Variants in COL11A1 observed in about 807,000 individuals in gnomAD.
COL11A1 encodes the protein collagen type XI alpha 1 chain.
In COL11A1, 74 loss-of-function variants were observed where a neutral mutation model predicts 265.2. That is an observed-to-expected ratio of 0.28 (90% CI 0.23 to 0.34). COL11A1 has a LOEUF of 0.34. COL11A1 is among the 10% of genes least tolerant of loss of function. The probability of loss-of-function intolerance (pLI) is 1.00; values close to 1 mark genes in which losing one functional copy is unlikely to be tolerated. For synonymous variants in COL11A1, 816 were observed against 727.6 expected, an observed-to-expected ratio of 1.12 and a Z score of -1.96; for missense variants, 2,165 against 2,263.6, an observed-to-expected ratio of 0.96 and a Z score of 0.88.
chr1:102,948,861 A>G (rs1014239214), intron 41 of COL11A1, among the ~76,000 whole-genome samples: 1 of 152,060 alleles, frequency 6.6e-6, no homozygotes, highest in Non-Finnish European at 1.5e-5. Context: ...TCAATGCAGT[A>G]GAAAAAATAA....
In COL11A1 at chr1:103,039,116, T is replaced by C. The variant is rs551034469; in HGVS notation, c.652-7872A>G. 2.6e-5 allele frequency among the ~76,000 whole-genome samples: 4 copies of C among 152,308 alleles called. No individual in the cohort carries two copies. In the South Asian group the frequency reaches 8.3e-4, roughly 32 times the overall value. On this transcript the variant is annotated intron_variant, in intron 4 of 66. Coordinates refer to ENST00000370096, the MANE Select transcript of COL11A1 (RefSeq NM_001854.4). Reference sequence around the variant, plus strand: ...ACAGTCATTTCTGGAGTAAGGTCAGTTTATCACTTAAGACAGTGACTTTTA... The same window carrying C: ...ACAGTCATTTCTGGAGTAAGGTCAGCTTATCACTTAAGACAGTGACTTTTA...
chr1:102,944,742 T>C (rs956372683), intron 42 of COL11A1, among the ~76,000 whole-genome samples: 1 of 152,198 alleles, frequency 6.6e-6, no homozygotes, highest in Admixed American at 6.5e-5. Context: ...TTCAATATAT[T>C]ATCTTCACAG....
At chr1:102,898,467 T>C (rs1652729988) in intron 56 of COL11A1, among the ~76,000 whole-genome samples, 199 bp downstream of exon 56, 1 of 151,986 alleles carries the variant, frequency 6.6e-6, no homozygotes, top group African/African-American at 2.4e-5. Flanking sequence ...TAAGTTAGTG[T>C]TTCACCATGA....
chr1:102,895,518 A>G (rs1441302927), intron 57 of COL11A1, among the ~76,000 whole-genome samples: 1 of 152,142 alleles, frequency 6.6e-6, no homozygotes, highest in African/African-American at 2.4e-5. Context: ...ATGATAAGCA[A>G]ATTGAAGCCT....
chr1:102,911,915 T>C (rs1654730389), intron 54 of COL11A1, among the ~76,000 whole-genome samples: 2 of 152,368 alleles, frequency 1.3e-5, no homozygotes, highest in South Asian at 2.1e-4. Flanking sequence ...AGGGGAGTTC[T>C]AAGCACAGAG....
chr1:102,994,444 G>A (rs1664432640), intron 28 of COL11A1, among the ~76,000 whole-genome samples: 1 of 152,014 alleles, frequency 6.6e-6, no homozygotes, highest in Non-Finnish European at 1.5e-5. Flanking sequence ...CCTGCTCCCA[G>A]CACATAGGAT....
At chr1:103,017,930 T>G in intron 10 of COL11A1, 48 bp from the exon 11 acceptor site, 4 of 1,394,506 alleles carry the variant, frequency 2.9e-6, no homozygotes, top group Non-Finnish European at 4.1e-6. Context: ...ATCTCATTAA[T>G]ATTTAGATGA....
At chr1:102,900,631 C>A (rs985748685) in intron 54 of COL11A1, among the ~76,000 whole-genome samples, 1 of 151,968 alleles carries the variant, frequency 6.6e-6, no homozygotes, top group Non-Finnish European at 1.5e-5. Flanking sequence ...AAAAAGCAAG[C>A]CATCTATTGT....
chr1:102,983,580 A>T (rs890149975), intron 31 of COL11A1, among the ~76,000 whole-genome samples: 2 of 152,092 alleles, frequency 1.3e-5, no homozygotes, highest in African/African-American at 4.8e-5. Context: ...AGGCAAGGAC[A>T]GATTCTTTAC....
chr1:102,904,174 C>A (rs1021984393), intron 54 of COL11A1, among the ~76,000 whole-genome samples: 1 of 152,038 alleles, frequency 6.6e-6, no homozygotes, highest in Non-Finnish European at 1.5e-5. Context: ...GGAAGGGATC[C>A]AGTTTTAGCT....
chr1:102,950,363 CT>C (rs1553213987), intron 41 of COL11A1, among the ~76,000 whole-genome samples: 2 of 152,112 alleles, frequency 1.3e-5, no homozygotes, highest in Non-Finnish European at 2.9e-5. Context: ...GACGTTTTCA[CT>C]TTTGGTAATT....
At chr1:102,917,398 T>C (rs971723238) in intron 49 of COL11A1, among the ~76,000 whole-genome samples, 2 of 151,782 alleles carry the variant, frequency 1.3e-5, no homozygotes, top group South Asian at 2.1e-4. Context: ...AAAGAAAACA[T>C]AGGGAAAACT....
At chr1:103,022,606 A>T in intron 8 of COL11A1, 136 bp downstream of exon 8, 2 of 935,370 alleles carry the variant, frequency 2.1e-6, no homozygotes, top group Non-Finnish European at 3.3e-6. Flanking sequence ...AAGGTGTCCT[A>T]GTGGTAATAG....
chr1:103,098,444 A>G (rs981636890), intron 1 of COL11A1, among the ~76,000 whole-genome samples: 1 of 151,904 alleles, frequency 6.6e-6, no homozygotes, highest in Non-Finnish European at 1.5e-5. Flanking sequence ...TAAAGCATCT[A>G]TGCTTTGATG....
rs531056668 is a variant in COL11A1 at position 102,932,019 on chromosome 1, A to C, written c.3600+2430T>G. 2.9e-4 allele frequency among the ~76,000 whole-genome samples: 44 copies of C among 150,406 alleles called. No individual in the cohort carries two copies. In the Middle Eastern group the frequency reaches 0.01, roughly 36 times the overall value. On this transcript the variant is annotated intron_variant, in intron 46 of 66. Transcript: ENST00000370096. Reference sequence around the variant, plus strand: ...GTGAGATGGGTTTCCTGAATACAGCACACTGATGGGTCTTGACTCTTTATC... The same window carrying C: ...GTGAGATGGGTTTCCTGAATACAGCCCACTGATGGGTCTTGACTCTTTATC...
intron 48 of COL11A1, among the ~76,000 whole-genome samples, chr1:102,920,728 C>T (rs913850488): frequency 3.9e-5 from 6 of 152,234 alleles, no homozygotes; most frequent in South Asian, 2.1e-4. Context: ...ACATAATCCA[C>T]GCAAGAAACA....
intron 29 of COL11A1, among the ~76,000 whole-genome samples, chr1:102,988,394 T>C (rs35498106): frequency 0.038 from 5,757 of 152,314 alleles, 152 homozygotes; most frequent in Middle Eastern, 0.1. Context: ...AATAAAACTC[T>C]AGTCTCCTAT....
chr1:103,063,930 T>C (rs1020956706), intron 4 of COL11A1, among the ~76,000 whole-genome samples: 4 of 152,110 alleles, frequency 2.6e-5, no homozygotes, highest in Non-Finnish European at 5.9e-5. Context: ...GATATACAGA[T>C]GGAAAGTAAG....
At position 103,022,908 on chromosome 1, in the gene COL11A1, T is replaced by C. The variant is rs1274389470; in HGVS notation, c.1079A>G (p.Tyr360Cys). 4 of 1,613,766 alleles carry C rather than the reference T, an allele frequency of 2.5e-6. No homozygotes were observed. The highest frequency in any genetic ancestry group is 2.7e-5 in the African/African-American group (2 of 74,924). Residue 360 changes from tyrosine to cysteine, a missense_variant, in exon 8 of 67, where the codon TAT becomes TGT. Tyr to Cys is a radical substitution (Grantham distance 194). Coordinates refer to ENST00000370096, the MANE Select transcript of COL11A1 (RefSeq NM_001854.4). ...SQRKNSEDTL[Y>C]ENKEIDGRDS... Reference sequence around the variant, plus strand: ...CCTGCCGTCTATTTCTTTGTTTTCATATAGTGTATCCTCAGAATTTTTCCT... The same window carrying C: ...CCTGCCGTCTATTTCTTTGTTTTCACATAGTGTATCCTCAGAATTTTTCCT...
Sources: allele counts gnomAD v4.1 joint callset (sites outside exome capture counted in the v4.1 genomes callset), GRCh38; gene constraint gnomAD v4.1.1; transcripts MANE v1.5; gene names NCBI Gene and HGNC (gene_info 2026-07-23, HGNC 2026-07-21).